The following ESR1 variants were observed in gnomAD, a reference collection of about 807,000 sequenced individuals.
The protein encoded by ESR1 is estrogen receptor.
In ESR1, 12 loss-of-function variants were observed where a neutral mutation model predicts 52.7. That is an observed-to-expected ratio of 0.23 (90% CI 0.15 to 0.37). The LOEUF (loss-of-function observed/expected upper bound fraction) is 0.37, where lower values mean the gene tolerates loss of function less well. Ranked by LOEUF, ESR1 falls within the 10% of genes least tolerant of loss-of-function variation. The probability of loss-of-function intolerance (pLI) is 1.00; values close to 1 mark genes in which losing one functional copy is unlikely to be tolerated. For synonymous variants in ESR1, 305 were observed against 316.8 expected (o/e 0.96, Z 0.39); for missense variants, 584 against 779.7 (o/e 0.75, Z 2.99).
intron 1 of ESR1, among the ~76,000 whole-genome samples, chr6:151,658,277 C>T (rs1777523984): frequency 6.6e-6 from 1 of 152,278 alleles, no homozygotes; most frequent in African/African-American, 2.4e-5. Context: ...TTAGTTTGAC[C>T]TTTTCCGTAT....
intron 6 of ESR1, among the ~76,000 whole-genome samples, chr6:152,093,683 G>T (rs546637957): frequency 6.6e-6 from 1 of 152,088 alleles, no homozygotes; most frequent in Non-Finnish European, 1.5e-5. Flanking sequence ...TTATGTGGCC[G>T]TAAAAAACAG....
intron 4 of ESR1, among the ~76,000 whole-genome samples, chr6:152,008,810 A>G (rs769494185): frequency 2.0e-5 from 3 of 152,242 alleles, no homozygotes; most frequent in South Asian, 2.1e-4. Flanking sequence ...CATTTATGCA[A>G]TAAGTTTAAT....
chr6:152,100,067 A>G lies in ESR1; in HGVS notation c.*1101A>G. ...CAGAAACTGGATACAGTTCTGAGGC[A>G]CAGCCAGACTTGCTCAGGGTGGCCC... On this transcript the variant is annotated 3_prime_UTR_variant, in exon 8 of 8. Coordinates refer to ENST00000206249, the MANE Select transcript of ESR1 (RefSeq NM_000125.4). The G allele has an allele frequency of 5.0e-6, 2 of 398,960 alleles. No homozygotes were observed. Among genetic ancestry groups the G allele is most frequent in the Non-Finnish European group, 8.8e-6 (2 of 226,306 alleles). 24.7% of individuals were successfully genotyped at this position (398,960 alleles called of 1,614,324 possible).
At chr6:151,935,474 C>T (rs973044875) in intron 3 of ESR1, among the ~76,000 whole-genome samples, 3 of 152,188 alleles carry the variant, frequency 2.0e-5, no homozygotes, top group Admixed American at 6.5e-5. Context: ...GGACAGCAGA[C>T]TGAATTGTCC....
In ESR1 at chr6:151,723,686, C is replaced by T. The variant is rs372401160; in HGVS notation, c.-71+21681C>T. 5.9e-5 allele frequency among the ~76,000 whole-genome samples: 9 copies of T among 152,076 alleles called. No homozygotes were observed. In the South Asian group the frequency reaches 6.2e-4, roughly 11 times the overall value. ...GAGTTCGAGACCAGTCTGGCCAATA[C>T]GGTGAAACCCTGTCTCTACTAAAAA... On this transcript the variant is annotated intron_variant, in intron 2 of 2. Transcript: ENST00000404742.
chr6:151,837,101 G>T (rs1241510117), intron 1 of ESR1, among the ~76,000 whole-genome samples: 2 of 149,136 alleles, frequency 1.3e-5, no homozygotes, highest in Non-Finnish European at 3.0e-5. Context: ...GACCCAATAT[G>T]AATACCTTCA....
At chr6:152,014,923 C>G (rs146232211) in intron 5 of ESR1, among the ~76,000 whole-genome samples, 1 of 151,958 alleles carries the variant, frequency 6.6e-6, no homozygotes, top group African/African-American at 2.4e-5. Flanking sequence ...CAAAGTTAGC[C>G]GGGCATGGTG....
intron 2 of ESR1, among the ~76,000 whole-genome samples, chr6:151,708,094 C>A (rs912756310): frequency 2.0e-5 from 3 of 151,908 alleles, no homozygotes; most frequent in African/African-American, 7.3e-5. Context: ...CTCACACAAC[C>A]CAATATTTAC....
In ESR1 at chr6:152,102,933, T is replaced by G. The variant is rs2051004769; in HGVS notation, c.*3967T>G. 4.5e-6 allele frequency: 1 copy of G among 223,880 alleles called. No individual in the cohort carries two copies. The highest frequency in any genetic ancestry group is 2.2e-5 in the African/African-American group (1 of 44,724). 13.9% of individuals were successfully genotyped at this position (223,880 alleles called of 1,614,324 possible). The stretch of plus-strand genomic sequence containing the variant: ...AGACCCCTTTGCATTCACAGAGAGG[T>G]CATTGGTTATAGAGACTTGAATTAA... On this transcript the variant is annotated 3_prime_UTR_variant, in exon 8 of 8. Transcript: ENST00000206249.
At chr6:151,714,574 C>A (rs778714743) in intron 2 of ESR1, among the ~76,000 whole-genome samples, 1 of 152,108 alleles carries the variant, frequency 6.6e-6, no homozygotes, top group African/African-American at 2.4e-5. Context: ...TGCATTGATA[C>A]CTTTACCATT....
chr6:152,051,398 A>G (rs112402125), intron 5 of ESR1, among the ~76,000 whole-genome samples: 84 of 152,330 alleles, frequency 5.5e-4, no homozygotes, highest in African/African-American at 1.9e-3. Flanking sequence ...AACAAAAACA[A>G]AAAACTGACT....
At chr6:151,835,864 T>G (rs959556474) in intron 1 of ESR1, among the ~76,000 whole-genome samples, 1 of 152,130 alleles carries the variant, frequency 6.6e-6, no homozygotes, top group African/African-American at 2.4e-5. Context: ...AAGTTTGAGA[T>G]TTTTATGTGT....
At chr6:151,956,493 C>A (rs555617586) in intron 4 of ESR1, among the ~76,000 whole-genome samples, 1 of 152,288 alleles carries the variant, frequency 6.6e-6, no homozygotes, top group African/African-American at 2.4e-5. Context: ...GTGCCAGGTG[C>A]TGTTCCAAGC....
intron 3 of ESR1, among the ~76,000 whole-genome samples, chr6:151,905,032 C>T (rs1797230880): frequency 6.6e-6 from 1 of 151,936 alleles, no homozygotes; most frequent in Non-Finnish European, 1.5e-5. Flanking sequence ...GAACTAAGAA[C>T]AGAAACAAAA....
At chr6:151,900,619 T>C (rs774836576) in intron 3 of ESR1, among the ~76,000 whole-genome samples, 56 of 152,260 alleles carry the variant, frequency 3.7e-4, no homozygotes, top group Non-Finnish European at 7.3e-4. Context: ...TCAGATTCTT[T>C]TGTCCCACAG....
intron 2 of ESR1, among the ~76,000 whole-genome samples, chr6:151,777,600 A>G (rs1786133102): frequency 6.6e-6 from 1 of 152,170 alleles, no homozygotes; most frequent in South Asian, 2.1e-4. Flanking sequence ...GGGACTGGAA[A>G]TCACAATAGA....
At chr6:151,903,809 G>T (rs1481461117) in intron 3 of ESR1, among the ~76,000 whole-genome samples, 1 of 152,132 alleles carries the variant, frequency 6.6e-6, no homozygotes, top group African/African-American at 2.4e-5. Context: ...TGGGATATAG[G>T]ATTATATTCC....
chr6:151,729,114 G>A (rs1478976081), intron 2 of ESR1, among the ~76,000 whole-genome samples: 2 of 152,170 alleles, frequency 1.3e-5, no homozygotes, highest in Non-Finnish European at 2.9e-5. Context: ...GGTATTAGGA[G>A]GAGAGGCTGT....
chr6:152,100,023 A>C lies in ESR1; in HGVS notation c.*1057A>C. Reference sequence around the variant, plus strand: ...TGCAGGATTGTTGTGGCTACTAGAGAACAAGAGGGAAAGTAGGGCAGAAAC... The same window carrying C: ...TGCAGGATTGTTGTGGCTACTAGAGCACAAGAGGGAAAGTAGGGCAGAAAC... On this transcript the variant is annotated 3_prime_UTR_variant, in exon 8 of 8. Coordinates refer to ENST00000206249, the MANE Select transcript of ESR1 (RefSeq NM_000125.4). 1 of 398,706 alleles carries C rather than the reference A, an allele frequency of 2.5e-6. No homozygotes were observed. Among genetic ancestry groups the C allele is most frequent in the Non-Finnish European group, 4.4e-6 (1 of 226,202 alleles). 24.7% of individuals were successfully genotyped at this position (398,706 alleles called of 1,614,324 possible).
Sources: allele counts gnomAD v4.1 joint callset (sites outside exome capture counted in the v4.1 genomes callset), GRCh38; gene constraint gnomAD v4.1.1; transcripts MANE v1.5; gene names NCBI Gene and HGNC (gene_info 2026-07-23, HGNC 2026-07-21).